Variants in MACROD2 observed in about 807,000 individuals in gnomAD.
MACROD2 encodes ADP-ribose glycohydrolase MACROD2.
In MACROD2, 36 loss-of-function variants were observed where a neutral mutation model predicts 70.4. The observed-to-expected ratio is 0.51, with a 90% confidence interval of 0.39 to 0.68. The LOEUF is 0.68. Ranked by LOEUF, MACROD2 falls within the 30% of genes least tolerant of loss-of-function variation. The pLI is 0.00. For synonymous variants in MACROD2, 172 were observed against 178.8 expected (o/e 0.96, Z 0.30); for missense variants, 496 against 538.4 (o/e 0.92, Z 0.78).
intron 16 of MACROD2, among the ~76,000 whole-genome samples, chr20:16,043,914 A>G (rs1835804292): frequency 6.6e-6 from 1 of 152,104 alleles, no homozygotes; most frequent in Non-Finnish European, 1.5e-5. Context: ...TAATATGTAC[A>G]TCCAAACTGT....
chr20:16,011,177 C>T (rs988738998), intron 15 of MACROD2, among the ~76,000 whole-genome samples: 2 of 152,194 alleles, frequency 1.3e-5, no homozygotes, highest in African/African-American at 4.8e-5. Context: ...TGGCAGTCCT[C>T]TCCCTGTTGA....
At chr20:15,223,076 T>G (rs934043374) in intron 5 of MACROD2, among the ~76,000 whole-genome samples, 6 of 152,180 alleles carry the variant, frequency 3.9e-5, no homozygotes, top group African/African-American at 1.4e-4. Context: ...GGTGCGATAG[T>G]TATCTCTTCA....
chr20:15,934,826 T>A (rs978169014), intron 11 of MACROD2, among the ~76,000 whole-genome samples: 1 of 152,096 alleles, frequency 6.6e-6, no homozygotes, highest in African/African-American at 2.4e-5. Flanking sequence ...GCCTCCCAAG[T>A]AGCTGGGACT....
rs548213357 is a variant in MACROD2, at chr20:14,778,303, C to T, written c.418+93344C>T. Among the ~76,000 whole-genome samples, 61 of 152,214 alleles carry T rather than the reference C, an allele frequency of 4.0e-4. 1 individual carries two copies. The highest frequency in any genetic ancestry group is 1.4e-3 in the African/African-American group (57 of 41,504). The stretch of plus-strand genomic sequence containing the variant: ...TACATCTCTGTCATTGCGCCCTGTC[C>T]GGTAGGAGCAGCTGAATGCCATTTG... On this transcript the variant is annotated intron_variant, in intron 5 of 17. Transcript: ENST00000684519.
intron 5 of MACROD2, among the ~76,000 whole-genome samples, chr20:14,858,661 C>T (rs2038444834): frequency 6.6e-6 from 1 of 152,096 alleles, no homozygotes; most frequent in Admixed American, 6.5e-5. Context: ...CTGATGCATC[C>T]ACTTGCCCGT....
chr20:14,851,955 A>G (rs763774001), intron 5 of MACROD2, among the ~76,000 whole-genome samples: 2 of 152,172 alleles, frequency 1.3e-5, no homozygotes, highest in African/African-American at 2.4e-5. Context: ...TGGCATGGTA[A>G]TGGACCTTGA....
intron 10 of MACROD2, among the ~76,000 whole-genome samples, chr20:15,911,174 T>C (rs6105487): frequency 0.034 from 5,112 of 152,244 alleles, 165 homozygotes; most frequent in African/African-American, 0.08. Context: ...CTAGGACACA[T>C]GGCAACTCTG....
At chr20:14,028,859 T>C (rs1332490474) in intron 2 of MACROD2, among the ~76,000 whole-genome samples, 4 of 152,154 alleles carry the variant, frequency 2.6e-5, no homozygotes, top group Non-Finnish European at 4.4e-5. Context: ...GCTGTCTTGC[T>C]CCAGAGCCCA....
At chr20:15,667,295 C>A (rs2049912549) in intron 8 of MACROD2, among the ~76,000 whole-genome samples, 1 of 152,146 alleles carries the variant, frequency 6.6e-6, no homozygotes, top group Non-Finnish European at 1.5e-5. Flanking sequence ...TCCCGCTTCA[C>A]CTTCCGCTGT....
chr20:14,121,271 C>A (rs2054585586), intron 3 of MACROD2, among the ~76,000 whole-genome samples: 1 of 152,072 alleles, frequency 6.6e-6, no homozygotes, highest in East Asian at 1.9e-4. Context: ...AGGCCAAATG[C>A]TTCATGTCAT....
At chr20:14,375,899 C>T (rs2083366529) in intron 3 of MACROD2, among the ~76,000 whole-genome samples, 1 of 152,120 alleles carries the variant, frequency 6.6e-6, no homozygotes. Flanking sequence ...ATTTAACTAC[C>T]TTTTGAAGAA....
At chr20:15,513,726 G>A (rs1346100382) in intron 8 of MACROD2, among the ~76,000 whole-genome samples, 1 of 152,148 alleles carries the variant, frequency 6.6e-6, no homozygotes, top group Admixed American at 6.5e-5. Flanking sequence ...ACCAATAAAA[G>A]TAAGCTTTTT....
At chr20:14,316,796 C>G (rs2082615104) in intron 3 of MACROD2, among the ~76,000 whole-genome samples, 1 of 152,166 alleles carries the variant, frequency 6.6e-6, no homozygotes, top group African/African-American at 2.4e-5. Context: ...TTCCACCTCT[C>G]TACTCACCAC....
At chr20:15,214,210 C>G (rs1227785814) in intron 5 of MACROD2, among the ~76,000 whole-genome samples, 1 of 152,110 alleles carries the variant, frequency 6.6e-6, no homozygotes, top group African/African-American at 2.4e-5. Context: ...TGGCTGTGTC[C>G]AGGATCATGG....
chr20:14,314,586 C>G (rs1003962359), intron 3 of MACROD2, among the ~76,000 whole-genome samples: 1 of 152,022 alleles, frequency 6.6e-6, no homozygotes, highest in African/African-American at 2.4e-5. Flanking sequence ...CATGGAGAAA[C>G]CCCATCTCTA....
intron 3 of MACROD2, among the ~76,000 whole-genome samples, chr20:14,452,253 C>T (rs1020084399): frequency 7.2e-5 from 11 of 152,054 alleles, no homozygotes; most frequent in Middle Eastern, 3.4e-3. Flanking sequence ...TAATAACAGT[C>T]TCATTTTCAA....
At chr20:14,201,806 T>C (rs2081481991) in intron 3 of MACROD2, among the ~76,000 whole-genome samples, 1 of 148,404 alleles carries the variant, frequency 6.7e-6, no homozygotes, top group African/African-American at 2.5e-5. Flanking sequence ...GCCACTGCAC[T>C]CCAGCCTGGT....
intron 8 of MACROD2, among the ~76,000 whole-genome samples, chr20:15,739,815 G>A (rs2051077804): frequency 6.6e-6 from 1 of 152,192 alleles, no homozygotes; most frequent in Non-Finnish European, 1.5e-5. Context: ...AAACATTTTG[G>A]AGGAAGTTAA....
At chr20:14,130,930 GTT>G (rs11087075) in intron 3 of MACROD2, among the ~76,000 whole-genome samples, 2,066 of 109,654 alleles carry the variant, frequency 0.019, 57 homozygotes, top group African/African-American at 0.077. Context: ...TGTTTTTTTT[GTT>G]TTTTTTTTTT....
Sources: gnomAD v4.1 joint callset for allele counts (sites outside exome capture counted in the v4.1 genomes callset) on GRCh38, gnomAD v4.1.1 for gene constraint, MANE v1.5 for transcripts, NCBI Gene and HGNC (gene_info 2026-07-23, HGNC 2026-07-21) for gene names.